The following ASB11 variants were observed in gnomAD, a reference collection of about 807,000 sequenced individuals.
ASB11 encodes the protein ankyrin repeat and SOCS box containing 11.
A neutral mutation model predicts 20.1 loss-of-function variants in ASB11; 17 were observed. That is an observed-to-expected ratio of 0.85 (90% confidence interval 0.58 to 1.27). The LOEUF is 1.27. ASB11 is among the 50% of genes most tolerant of loss of function. ASB11 has a pLI of 0.00. For missense variants in ASB11, 259 were observed against 256.9 expected (o/e 1.01, Z -0.06); for synonymous variants, 107 against 105.6 (o/e 1.01, Z -0.08).
At chrX:15,287,403 C>T (rs5935927) in intron 6 of ASB11, among the ~76,000 whole-genome samples, 42,092 of 111,695 alleles carry the variant, frequency 0.38, 5,624 homozygotes, top group South Asian at 0.56. Context: ...CTCTGCTCAT[C>T]GCAACCTCCG....
intron 6 of ASB11, among the ~76,000 whole-genome samples, chrX:15,285,577 C>T (rs997691186): frequency 8.9e-6 from 1 of 112,180 alleles, no homozygotes; most frequent in Non-Finnish European, 1.9e-5. Context: ...AATGTGAAAA[C>T]TTCTATAAAC....
chrX:15,297,702 A>G, intron 2 of ASB11, 21 bp from the exon 3 acceptor site: 1 of 1,190,063 alleles, frequency 8.4e-7, no homozygotes, highest in Non-Finnish European at 1.1e-6. Context: ...GAAAGAAGAG[A>G]GTTTATTTAT....
intron 6 of ASB11, among the ~76,000 whole-genome samples, chrX:15,283,930 C>G (rs1927268199): frequency 9.0e-6 from 1 of 111,371 alleles, no homozygotes; most frequent in Admixed American, 9.6e-5. Flanking sequence ...GGGAATGCAT[C>G]TCATTCATGT....
Position 15,297,641 on chromosome X carries a change from G to A in ASB11, c.302C>T (p.Ser101Phe). ...ACCTCCAAGGCATGCCTCGTGGAGA[G>A]AAGACACCCGGTTAATTGTCACAAG... The part of the protein sequence containing the change: ...VNLVTINRVS[S>F]LHEACLGGHV... The change falls in exon 3 of 7, where the codon TCT becomes TTT. Residue 101 changes from serine (S) to phenylalanine (F), a missense_variant. Transcript: ENST00000480796. 3 of 1,210,766 alleles carry A rather than the reference G, an allele frequency of 2.5e-6. No individual in the cohort carries two copies. In the Admixed American group the frequency reaches 6.5e-5, roughly 26 times the overall value.
chrX:15,287,366 A>T (rs1927415909), intron 6 of ASB11, among the ~76,000 whole-genome samples: 1 of 112,987 alleles, frequency 8.9e-6, no homozygotes, highest in Non-Finnish European at 1.9e-5. Flanking sequence ...TCGCTCTGTC[A>T]CCCAGGCTGG....
Position 15,302,728 on chromosome X carries a change from T to C in ASB11, c.261A>G (p.Gln87=). ...AGGATCAAGTCTTCAGTTCACTTACTTGTGCAATTAAAGTTTTAAGGGCCA... is the reference window on the plus strand; with the variant it reads ...AGGATCAAGTCTTCAGTTCACTTACCTGTGCAATTAAAGTTTTAAGGGCCA... The part of the protein sequence containing the change: ...RLLALKTLIA[Q]GVNVNLVTIN... The change falls in exon 2 of 7, where the codon CAA becomes CAG. Residue 87 remains glutamine, a splice_region_variant and synonymous_variant. Coordinates refer to ENST00000480796, the MANE Select transcript of ASB11 (RefSeq NM_080873.3). 8.3e-7 allele frequency: 1 copy of C among 1,198,122 alleles called. No homozygotes were observed. The highest frequency in any genetic ancestry group is 1.1e-6 in the Non-Finnish European group (1 of 882,934).
At chrX:15,294,895 C>T (rs972697106) in intron 3 of ASB11, among the ~76,000 whole-genome samples, 9 of 112,028 alleles carry the variant, frequency 8.0e-5, no homozygotes, top group South Asian at 7.5e-4. Flanking sequence ...TCTTAGTTCA[C>T]GTCAACAAAC....
intron 2 of ASB11, among the ~76,000 whole-genome samples, chrX:15,300,913 G>C (rs1266096510): frequency 1.8e-5 from 2 of 111,759 alleles, no homozygotes; most frequent in East Asian, 5.5e-4. Flanking sequence ...GAGACTGAGA[G>C]AGAAGAGGTG....
intron 2 of ASB11, among the ~76,000 whole-genome samples, chrX:15,299,146 ACAGT>A (rs1920998973): frequency 8.9e-6 from 1 of 112,203 alleles, no homozygotes; most frequent in Non-Finnish European, 1.9e-5. Context: ...GTTGACAAAA[ACAGT>A]CAAACTATAA....
intron 6 of ASB11, among the ~76,000 whole-genome samples, chrX:15,284,229 G>A (rs1295224165): frequency 2.0e-5 from 2 of 99,403 alleles, no homozygotes; most frequent in South Asian, 4.8e-4. Flanking sequence ...TCCAGCCTGG[G>A]CGACAGAGCG....
Position 15,282,604 on chromosome X carries a change from T to C in ASB11, c.*901A>G, listed in dbSNP as rs1341772762. ...AGACAATGCCTGTGGGTTCAGGTTG[T>C]TGGGGACACCCAGTGTTCTCAATCC... On this transcript the variant is annotated 3_prime_UTR_variant, in exon 7 of 7. Transcript: ENST00000480796. 2.7e-5 allele frequency: 3 copies of C among 110,954 alleles called. No homozygotes were observed. Among genetic ancestry groups the C allele is most frequent in the African/African-American group, 6.6e-5 (2 of 30,525 alleles). 9.1% of individuals were successfully genotyped at this position (110,954 alleles called of 1,213,427 possible).
chrX:15,303,276 C>T (rs765954607), intron 1 of ASB11, among the ~76,000 whole-genome samples: 2 of 110,789 alleles, frequency 1.8e-5, no homozygotes, highest in African/African-American at 3.3e-5. Context: ...TTCCCTGGGC[C>T]GCATTGGAAG....
chrX:15,287,080 G>A (rs1348367504), intron 6 of ASB11, among the ~76,000 whole-genome samples: 2 of 111,626 alleles, frequency 1.8e-5, no homozygotes, highest in African/African-American at 3.3e-5. Context: ...TGGTGGAAAC[G>A]GGAATGAAGC....
intron 4 of ASB11, among the ~76,000 whole-genome samples, chrX:15,291,723 A>T (rs1333337272): frequency 3.5e-5 from 3 of 86,399 alleles, no homozygotes; most frequent in African/African-American, 1.1e-4. Context: ...TAAAAAAAAA[A>T]TTTAAAAAAA....
intron 1 of ASB11, among the ~76,000 whole-genome samples, chrX:15,309,967 C>CAAAAAAAAAAAAAAAAAAAAAAA (rs60765469): frequency 3.9e-4 from 6 of 15,524 alleles, no homozygotes; most frequent in Non-Finnish European, 6.3e-4. Context: ...GACTCCGTCT[C>CAAAAAAAAAAAAAAAAAAAAAAA]AAAAAAAAAA....
At chrX:15,313,829 A>G (rs1921518190) in intron 1 of ASB11, among the ~76,000 whole-genome samples, 1 of 111,041 alleles carries the variant, frequency 9.0e-6, no homozygotes, top group Admixed American at 9.6e-5. Context: ...AGGCGGGCGG[A>G]TCATGAGGTC....
At position 15,284,169 on chromosome X, in the gene ASB11, G is replaced by A. The variant is rs899538912; in HGVS notation, c.848-540C>T. ...CGGGAGGCTGAGGCAGGAGAATGGC[G>A]TGAACCCGGGAGGCGGAGCTTGCAG... On this transcript the variant is annotated intron_variant, in intron 6 of 6. Transcript: ENST00000480796. Among the ~76,000 whole-genome samples the A allele has an allele frequency of 2.2e-4, 23 of 105,167 alleles. No homozygotes were observed. The East Asian group carries it at 2.4e-3, about 11-fold the overall frequency. The allele number at this position is 105,167 out of a possible 115,157, so 91.3% of individuals were successfully genotyped here.
chrX:15,297,309 C>CAAAAA (rs57648100), intron 3 of ASB11, among the ~76,000 whole-genome samples: 8 of 104,013 alleles, frequency 7.7e-5, no homozygotes, highest in African/African-American at 2.5e-4. Flanking sequence ...CAAAACAAAA[C>CAAAAA]AAAAAAAAAA....
intron 1 of ASB11, among the ~76,000 whole-genome samples, chrX:15,311,297 T>A (rs958320307): frequency 5.3e-5 from 6 of 112,626 alleles, no homozygotes; most frequent in Middle Eastern, 4.6e-3. Context: ...AAGGCTCCTT[T>A]GAACTCTTAA....
Sources: gnomAD v4.1 joint callset for allele counts (sites outside exome capture counted in the v4.1 genomes callset) on GRCh38, gnomAD v4.1.1 for gene constraint, MANE v1.5 for transcripts, NCBI Gene and HGNC (gene_info 2026-07-23, HGNC 2026-07-21) for gene names.